CFAP20DC: variants seen among roughly 807,000 people sequenced by gnomAD.
The protein encoded by CFAP20DC is protein CFAP20DC.
In CFAP20DC, 84 loss-of-function variants were observed where a neutral mutation model predicts 101.7. That is an observed-to-expected ratio of 0.83 (90% CI 0.69 to 0.99). CFAP20DC has a LOEUF of 0.99. CFAP20DC is among the 50% of genes least tolerant of loss of function. The pLI is 0.00. For missense variants in CFAP20DC, 1,007 were observed against 970.3 expected, an observed-to-expected ratio of 1.04 and a Z score of -0.50; for synonymous variants, 359 against 351.2, an observed-to-expected ratio of 1.02 and a Z score of -0.25.
At position 58,882,450 on chromosome 3, in the gene CFAP20DC, T is replaced by A. The variant is rs1016343184; in HGVS notation, c.715+2095A>T. 4.8e-4 allele frequency among the ~76,000 whole-genome samples: 73 copies of A among 152,296 alleles called. No individual in the cohort carries two copies. In the Middle Eastern group the frequency reaches 0.01, roughly 21 times the overall value. Reference sequence around the variant, plus strand: ...ATAATTAATTCTTAAAACATTAAGCTAGAGAATAAAAGCATTTACAATGGC... The same window carrying A: ...ATAATTAATTCTTAAAACATTAAGCAAGAGAATAAAAGCATTTACAATGGC... On this transcript the variant is annotated intron_variant, in intron 7 of 16. Coordinates refer to ENST00000482387, the MANE Select transcript of CFAP20DC (RefSeq NM_001394063.1). This position sits in a 1 kb window ranked among gnomAD's most constrained non-coding sequence, Gnocchi z 4.2.
chr3:58,758,965 C>T (rs1341899009), intron 15 of CFAP20DC, among the ~76,000 whole-genome samples: 2 of 152,116 alleles, frequency 1.3e-5, no homozygotes, highest in Non-Finnish European at 2.9e-5. Context: ...GGTTCCAAGT[C>T]TTTGCTATTG....
At chr3:58,988,747 T>C (rs539793231) in intron 4 of CFAP20DC, among the ~76,000 whole-genome samples, 3 of 152,298 alleles carry the variant, frequency 2.0e-5, no homozygotes, top group African/African-American at 7.2e-5. Context: ...ATGTAGCCAT[T>C]ATTACTTCTA....
chr3:58,875,020 G>C (rs982025629), intron 7 of CFAP20DC, among the ~76,000 whole-genome samples: 7 of 152,198 alleles, frequency 4.6e-5, no homozygotes, highest in Non-Finnish European at 8.8e-5. Context: ...ATCTACCTGG[G>C]AGTTCTATGT....
chr3:59,013,425 G>C (rs954678604), intron 4 of CFAP20DC, among the ~76,000 whole-genome samples: 1 of 152,132 alleles, frequency 6.6e-6, no homozygotes, highest in Non-Finnish European at 1.5e-5. Context: ...ATACATGTCT[G>C]CTACTTGAAA....
intron 5 of CFAP20DC, among the ~76,000 whole-genome samples, chr3:58,918,013 T>TGAAATCATA (rs1380890790): frequency 1.3e-5 from 2 of 152,186 alleles, no homozygotes; most frequent in African/African-American, 4.8e-5. Flanking sequence ...TATCTCTTAC[T>TGAAATCATA]GAAATCATAG....
At chr3:58,758,570 G>A (rs1033034274) in intron 15 of CFAP20DC, among the ~76,000 whole-genome samples, 6 of 151,808 alleles carry the variant, frequency 4.0e-5, no homozygotes, top group African/African-American at 1.5e-4. Context: ...TAAGTTTTAG[G>A]GTACATGTGC....
intron 7 of CFAP20DC, among the ~76,000 whole-genome samples, chr3:58,876,916 A>C (rs2080797817): frequency 6.6e-6 from 1 of 152,222 alleles, no homozygotes; most frequent in Non-Finnish European, 1.5e-5. Context: ...ACAAATACAA[A>C]AAAGGCTGAT....
At chr3:58,930,749 A>G (rs2086530009) in intron 5 of CFAP20DC, among the ~76,000 whole-genome samples, 1 of 152,188 alleles carries the variant, frequency 6.6e-6, no homozygotes, top group Non-Finnish European at 1.5e-5. Context: ...TAAAAGTGGT[A>G]TAAAGTTTTC....
At chr3:58,960,843 G>T (rs549655584) in intron 4 of CFAP20DC, among the ~76,000 whole-genome samples, 1 of 152,124 alleles carries the variant, frequency 6.6e-6, no homozygotes, top group African/African-American at 2.4e-5. Flanking sequence ...TCCTTGTTTT[G>T]TTCCTAATCT....
chr3:58,918,295 A>G (rs17059955), intron 5 of CFAP20DC, among the ~76,000 whole-genome samples: 7,714 of 152,158 alleles, frequency 0.051, 360 homozygotes, highest in African/African-American at 0.12. Flanking sequence ...TCATCTTTGA[A>G]GTTCAAGGCA....
chr3:58,895,971 T>C (rs1197815457), intron 6 of CFAP20DC, among the ~76,000 whole-genome samples: 1 of 152,200 alleles, frequency 6.6e-6, no homozygotes, highest in African/African-American at 2.4e-5. Context: ...GCCCCCATGA[T>C]TCAGTTACCT....
At chr3:58,970,311 T>C (rs2091876338) in intron 4 of CFAP20DC, 1 of 152,186 alleles carries the variant, frequency 6.6e-6, no homozygotes, top group African/African-American at 2.4e-5. Flanking sequence ...GAAGTCAGAA[T>C]GGATTAGAGT....
At chr3:58,767,049 ACCC>A (rs1324663433) in intron 15 of CFAP20DC, among the ~76,000 whole-genome samples, 1 of 152,178 alleles carries the variant, frequency 6.6e-6, no homozygotes, top group Non-Finnish European at 1.5e-5. Context: ...GAATGTCGCA[ACCC>A]CATTAGACTC....
At chr3:58,747,530 T>C (rs531898514) in intron 16 of CFAP20DC, among the ~76,000 whole-genome samples, 11 of 152,322 alleles carry the variant, frequency 7.2e-5, no homozygotes, top group Admixed American at 5.9e-4. Context: ...GACATTGAAC[T>C]GGATTTTCGA....
rs142810344 is a variant in CFAP20DC at position 58,917,423 on chromosome 3, C to T, written c.394-3559G>A. 3.9e-5 allele frequency among the ~76,000 whole-genome samples: 6 copies of T among 152,240 alleles called. No homozygotes were observed. In the East Asian group the frequency reaches 1.2e-3, roughly 29 times the overall value. On this transcript the variant is annotated intron_variant, in intron 5 of 16. Transcript: ENST00000482387. ...AAGAAATTAGTTACATTTGTTAGTG[C>T]AGAAAAAGCCTGTTTTACTAACAGT...
At chr3:58,986,698 T>A (rs554763022) in intron 4 of CFAP20DC, among the ~76,000 whole-genome samples, 1 of 152,230 alleles carries the variant, frequency 6.6e-6, no homozygotes, top group East Asian at 1.9e-4. Context: ...AGAAAGACAT[T>A]TAAAAACTCG....
chr3:58,951,763 G>A (rs753002216), intron 4 of CFAP20DC, among the ~76,000 whole-genome samples: 5 of 152,020 alleles, frequency 3.3e-5, no homozygotes, highest in African/African-American at 1.2e-4. Flanking sequence ...GTTGTGGGGT[G>A]GGGGGAGAGG....
chr3:58,913,676 A>G lies in CFAP20DC; in HGVS notation c.550+32T>C, dbSNP rs767584046. ...GCTAATTTTAAAAATACATCAGAGAATTAAAAAATCTTGATAGCAACCTGA... is the reference window on the plus strand; with the variant it reads ...GCTAATTTTAAAAATACATCAGAGAGTTAAAAAATCTTGATAGCAACCTGA... On this transcript the variant is annotated intron_variant, in intron 6 of 16. Transcript: ENST00000482387. The surrounding 1 kb of genome is among the most constrained non-coding windows in gnomAD (Gnocchi z 4.4). 3 of 1,608,820 alleles carry G rather than the reference A, an allele frequency of 1.9e-6. No homozygotes were observed. The highest frequency in any genetic ancestry group is 2.6e-6 in the Non-Finnish European group (3 of 1,175,646).
At chr3:58,967,182 A>G (rs1264967922) in intron 4 of CFAP20DC, among the ~76,000 whole-genome samples, 2 of 152,210 alleles carry the variant, frequency 1.3e-5, no homozygotes. Context: ...AAAAAAATTG[A>G]AAGTTTAGAA....
Sources: allele counts gnomAD v4.1 joint callset (sites outside exome capture counted in the v4.1 genomes callset), GRCh38; gene constraint gnomAD v4.1.1; non-coding constraint Gnocchi (gnomAD v3.1); transcripts MANE v1.5; gene names NCBI Gene and HGNC (gene_info 2026-07-23, HGNC 2026-07-21).